Variants in NTRK3 observed in about 807,000 individuals in gnomAD.
The protein encoded by NTRK3 is NT-3 growth factor receptor.
Under a neutral mutation model 91.7 loss-of-function variants are expected in NTRK3, and 24 were observed. The ratio of observed to expected loss-of-function variants is 0.26; its 90% CI spans 0.19 to 0.37. The LOEUF (loss-of-function observed/expected upper bound fraction) is 0.37. Ranked by LOEUF, NTRK3 falls within the 10% of genes least tolerant of loss-of-function variation. NTRK3 has a pLI of 1.00. For missense variants in NTRK3, 880 were observed against 1,068.9 expected (o/e 0.82, Z 2.46); for synonymous variants, 483 against 404.0 (o/e 1.20, Z -2.34).
At chr15:87,866,850 G>A (rs1483768836) in exon 19 of NTRK3, 1 of 205,790 alleles carries the variant, frequency 4.9e-6, no homozygotes, top group East Asian at 7.4e-5. Context: ...GCAAATCTGT[G>A]TGTCAATATT....
chr15:88,116,979 C>T lies in NTRK3; in HGVS notation c.1396+9292G>A, dbSNP rs78060490. Among the ~76,000 whole-genome samples the T allele has an allele frequency of 7.4e-3, 1,122 of 152,320 alleles. 16 individuals carry two copies. Among genetic ancestry groups the T allele is most frequent in the African/African-American group, 0.026 (1,062 of 41,562 alleles). The stretch of plus-strand genomic sequence containing the variant: ...GCTGGTCTGCAGACTACATAAATGA[C>T]TTGGAGAGCCAGTGAAATATGCGGA... On this transcript the variant is annotated intron_variant, in intron 13 of 18. Transcript: ENST00000394480.
chr15:88,055,665 T>C (rs1001348836), intron 13 of NTRK3, among the ~76,000 whole-genome samples: 3 of 152,028 alleles, frequency 2.0e-5, no homozygotes, highest in African/African-American at 7.2e-5. Context: ...TAAGACCCAG[T>C]GAATTGCCCA....
chr15:87,979,119 G>A (rs1596497368), intron 14 of NTRK3: 1 of 603,672 alleles, frequency 1.7e-6, no homozygotes, highest in Non-Finnish European at 2.9e-6. Flanking sequence ...CGTAGGCCGG[G>A]AAAAAAGGAG....
chr15:88,096,857 G>A (rs902403628), intron 13 of NTRK3, among the ~76,000 whole-genome samples: 11 of 152,152 alleles, frequency 7.2e-5, no homozygotes, highest in African/African-American at 2.7e-4. Flanking sequence ...CATATTGCCC[G>A]CTTGCTCCCT....
chr15:87,898,773 G>A (rs1261070836), intron 17 of NTRK3, among the ~76,000 whole-genome samples: 4 of 146,756 alleles, frequency 2.7e-5, no homozygotes. Flanking sequence ...ATCACCTGAG[G>A]TCTGGAGTTC....
intron 5 of NTRK3, among the ~76,000 whole-genome samples, chr15:88,161,052 C>A (rs1470794451): frequency 6.6e-6 from 1 of 152,192 alleles, no homozygotes; most frequent in African/African-American, 2.4e-5. Context: ...CAGTGCTTAG[C>A]ACATAGCAGG....
chr15:88,185,078 T>G (rs1203407944), intron 3 of NTRK3, among the ~76,000 whole-genome samples: 1 of 152,232 alleles, frequency 6.6e-6, no homozygotes, highest in African/African-American at 2.4e-5. Flanking sequence ...AGAGGAGAGT[T>G]GCACTGGATC....
intron 14 of NTRK3, among the ~76,000 whole-genome samples, chr15:87,950,358 C>T (rs997414343): frequency 1.3e-5 from 2 of 152,186 alleles, no homozygotes; most frequent in African/African-American, 4.8e-5. Flanking sequence ...CTACCTACAA[C>T]CATGGGTCCA....
chr15:88,014,511 G>T (rs1300372447), intron 14 of NTRK3, among the ~76,000 whole-genome samples: 1 of 152,172 alleles, frequency 6.6e-6, no homozygotes, highest in Non-Finnish European at 1.5e-5. Context: ...GAATTAAAGA[G>T]CAGGAAAGGA....
At chr15:87,962,410 T>G (rs2072386620) in intron 14 of NTRK3, among the ~76,000 whole-genome samples, 1 of 152,130 alleles carries the variant, frequency 6.6e-6, no homozygotes, top group Admixed American at 6.5e-5. Context: ...AGACCCTGTT[T>G]GTTAGAAAAA....
At chr15:87,997,905 C>T (rs2075819771) in intron 14 of NTRK3, among the ~76,000 whole-genome samples, 1 of 152,132 alleles carries the variant, frequency 6.6e-6, no homozygotes, top group South Asian at 2.1e-4. Flanking sequence ...AGGGGAGAGT[C>T]ACTGTCTTTC....
At chr15:87,862,585 T>C (rs1195813842) in exon 19 of NTRK3, 1 of 226,326 alleles carries the variant, frequency 4.4e-6, no homozygotes, top group Non-Finnish European at 8.8e-6. Flanking sequence ...GAGAAGATGC[T>C]GACAATTAGT....
intron 14 of NTRK3, among the ~76,000 whole-genome samples, chr15:88,016,082 T>C (rs1216752195): frequency 6.6e-6 from 1 of 152,116 alleles, no homozygotes; most frequent in Non-Finnish European, 1.5e-5. Context: ...CCTGTGCATA[T>C]AAGGCAAAAT....
intron 17 of NTRK3, chr15:87,926,557 C>T (rs1029954838): frequency 6.6e-6 from 1 of 152,220 alleles, no homozygotes. Flanking sequence ...TTCTAATCTA[C>T]CCTGGCACCT....
chr15:87,928,743 T>G (rs958462260), intron 17 of NTRK3: 3 of 224,348 alleles, frequency 1.3e-5, no homozygotes, highest in Non-Finnish European at 2.7e-5. Flanking sequence ...GGAAACAAGA[T>G]AATTCTTACA....
chr15:87,891,598 C>A (rs1442492339), intron 17 of NTRK3, among the ~76,000 whole-genome samples: 5 of 152,128 alleles, frequency 3.3e-5, no homozygotes, highest in Admixed American at 1.3e-4. Context: ...TTCACTTCAT[C>A]CCTATCTTAG....
intron 14 of NTRK3, among the ~76,000 whole-genome samples, chr15:88,023,738 C>T (rs536627801): frequency 6.4e-4 from 98 of 152,328 alleles, no homozygotes; most frequent in Admixed American, 1.7e-3. Flanking sequence ...CTACCCTCTT[C>T]AGCCGCACAC....
chr15:88,109,651 T>C (rs1009541598), intron 13 of NTRK3, among the ~76,000 whole-genome samples: 1 of 152,150 alleles, frequency 6.6e-6, no homozygotes, highest in Admixed American at 6.5e-5. Flanking sequence ...GCGGGGGGCG[T>C]TGGGAAAGCC....
chr15:88,130,762 T>G (rs1414266497), intron 10 of NTRK3, among the ~76,000 whole-genome samples: 1 of 152,164 alleles, frequency 6.6e-6, no homozygotes, highest in Non-Finnish European at 1.5e-5. Flanking sequence ...GTCCCAGATT[T>G]AAAGAGAGTG....
Sources: gnomAD v4.1 joint callset for allele counts (sites outside exome capture counted in the v4.1 genomes callset) on GRCh38, gnomAD v4.1.1 for gene constraint, MANE v1.5 for transcripts, NCBI Gene and HGNC (gene_info 2026-07-23, HGNC 2026-07-21) for gene names.